The following GSK3A variants were observed in gnomAD, a reference collection of about 807,000 sequenced individuals.
GSK3A encodes glycogen synthase kinase-3 alpha.
GSK3A carries 14 observed loss-of-function variants against 56.6 expected under a neutral mutation model. The ratio of observed to expected loss-of-function variants is 0.25; its 90% confidence interval spans 0.16 to 0.39. GSK3A has a LOEUF of 0.39. Among genes scored for constraint, GSK3A ranks in the 10% least tolerant of loss-of-function variants. The pLI is 1.00. For synonymous variants in GSK3A, 301 were observed against 285.0 expected, an observed-to-expected ratio of 1.06 and a Z score of -0.56; for missense variants, 450 against 656.0, an observed-to-expected ratio of 0.69 and a Z score of 3.43.
intron 8 of GSK3A, 80 bp from the exon 9 acceptor site, chr19:42,232,762 C>T (rs2036232558): frequency 8.1e-7 from 1 of 1,234,806 alleles, no homozygotes; most frequent in African/African-American, 1.5e-5. Flanking sequence ...GCCACAGTGC[C>T]TGCGGCAAGT....
At position 42,234,829 on chromosome 19, in the gene GSK3A, T is replaced by A; in HGVS notation, c.667-151A>T. On this transcript the variant is annotated intron_variant, in intron 4 of 10. Coordinates refer to ENST00000222330, the MANE Select transcript of GSK3A (RefSeq NM_019884.3). This position sits in a 1 kb window ranked among gnomAD's most constrained non-coding sequence, Gnocchi z 5.7. ...AACCCATTTGAAACCTTGGTTCTCT[T>A]AATGTGCACCACAATCACTTGAAGG... 3 of 773,176 alleles carry A rather than the reference T, an allele frequency of 3.9e-6. No homozygotes were observed. Among genetic ancestry groups the A allele is most frequent in the Non-Finnish European group, 5.9e-6 (3 of 505,856 alleles). The allele number at this position is 773,176 out of a possible 1,614,324, so 47.9% of individuals were successfully genotyped here. A position where few individuals can be genotyped will look rare whatever the true frequency, so the allele number is the denominator to read the frequency against.
rs1443971081 is a variant in GSK3A at position 42,230,459 on chromosome 19, G to A, written c.*335C>T. 3 of 357,184 alleles carry A rather than the reference G, an allele frequency of 8.4e-6. No individual in the cohort carries two copies. Among genetic ancestry groups the A allele is most frequent in the African/African-American group, 6.2e-5 (3 of 48,514 alleles). The allele number at this position is 357,184 out of a possible 1,614,324, so 22.1% of individuals were successfully genotyped here. On this transcript the variant is annotated 3_prime_UTR_variant, in exon 11 of 11. Transcript: ENST00000222330. ...CAGGGAAGGGAAGAGGAGACGGGCT[G>A]GGCTGGTTCTATTTACAAGGGACAC...
chr19:42,234,777 T>G lies in GSK3A; in HGVS notation c.667-99A>C, dbSNP rs1340282891. The G allele has an allele frequency of 5.6e-6, 7 of 1,246,132 alleles. No homozygotes were observed. The highest frequency in any genetic ancestry group is 7.6e-6 in the Non-Finnish European group (7 of 924,436). The allele number at this position is 1,246,132 out of a possible 1,614,324, so 77.2% of individuals were successfully genotyped here. A position where few individuals can be genotyped will look rare whatever the true frequency, so the allele number is the denominator to read the frequency against. On this transcript the variant is annotated intron_variant, in intron 4 of 10. Coordinates refer to ENST00000222330, the MANE Select transcript of GSK3A (RefSeq NM_019884.3). The surrounding 1 kb of genome is among the most constrained non-coding windows in gnomAD (Gnocchi z 5.7). ...CTGAAGAGCCCTTCCAGGCCCACTC[T>G]CCCTGCTGCCCCCACAGCTTTGGGG... is the stretch of plus-strand genomic sequence containing the variant.
intron 3 of GSK3A, 62 bp from the exon 4 acceptor site, chr19:42,236,778 T>C: frequency 7.1e-7 from 1 of 1,406,112 alleles, no homozygotes; most frequent in Non-Finnish European, 1.0e-6. Context: ...GGAAGGAAGG[T>C]ATGCAGGGAG....
rs879265393 is a variant in GSK3A, at chr19:42,234,527, C to T, written c.797+21G>A. On this transcript the variant is annotated intron_variant, in intron 5 of 10. Transcript: ENST00000222330. This position sits in a 1 kb window ranked among gnomAD's most constrained non-coding sequence, Gnocchi z 5.7. ...GGGGTCCCCCCTGCCTCTTCAGCCA[C>T]CCAACATGCCCCAGGCCCACCTGCC... 6.2e-7 allele frequency: 1 copy of T among 1,612,420 alleles called. No individual in the cohort carries two copies.
chr19:42,237,858 G>A (rs963051839), intron 2 of GSK3A, among the ~76,000 whole-genome samples: 23 of 151,590 alleles, frequency 1.5e-4, no homozygotes, highest in Admixed American at 3.3e-4. Context: ...CAGCCTGGGC[G>A]ACAGACTCTG....
At position 42,230,426 on chromosome 19, in the gene GSK3A, C is replaced by T; in HGVS notation, c.*368G>A. On this transcript the variant is annotated 3_prime_UTR_variant, in exon 11 of 11. Coordinates refer to ENST00000222330, the MANE Select transcript of GSK3A (RefSeq NM_019884.3). ...AAAAATTATAACAATCTATTTACACCCGGGGGCCAGGGAAGGGAAGAGGAG... is the reference window on the plus strand; with the variant it reads ...AAAAATTATAACAATCTATTTACACTCGGGGGCCAGGGAAGGGAAGAGGAG... The T allele has an allele frequency of 3.6e-6, 1 of 276,860 alleles. No homozygotes were observed. 17.2% of individuals were successfully genotyped at this position (276,860 alleles called of 1,614,324 possible).
rs778151740 is a variant in GSK3A, at chr19:42,234,682, C to T, written c.667-4G>A. Reference sequence around the variant, plus strand: ...GGAAGAGCTGGTACATGTACACCTGCGGCGGGCACAGGATAGCAGAACTTT... The same window carrying T: ...GGAAGAGCTGGTACATGTACACCTGTGGCGGGCACAGGATAGCAGAACTTT... On this transcript the variant is annotated splice_polypyrimidine_tract_variant and splice_region_variant and intron_variant, in intron 4 of 10. Transcript: ENST00000222330. The surrounding 1 kb of genome is among the most constrained non-coding windows in gnomAD (Gnocchi z 5.7). 2.0e-5 allele frequency: 32 copies of T among 1,582,472 alleles called. No individual in the cohort carries two copies. The East Asian group carries it at 2.8e-4, about 14-fold the overall frequency.
rs1473563564 is a variant in GSK3A, at chr19:42,242,545, G to T, written c.-80C>A. ...CGCCGCCGCTGCCGCCGCCTCCCCC[G>T]GGCCCTGGCCTCTTCCAGGCCGCGC... On this transcript the variant is annotated 5_prime_UTR_variant, in exon 1 of 11. Coordinates refer to ENST00000222330, the MANE Select transcript of GSK3A (RefSeq NM_019884.3). The T allele has an allele frequency of 5.2e-5, 50 of 958,224 alleles. No individual in the cohort carries two copies. The highest frequency in any genetic ancestry group is 6.3e-5 in the Non-Finnish European group (50 of 798,114). The allele number at this position is 958,224 out of a possible 1,614,324, so 59.4% of individuals were successfully genotyped here. A position where few individuals can be genotyped will look rare whatever the true frequency, so the allele number is the denominator to read the frequency against.
At position 42,234,752 on chromosome 19, in the gene GSK3A, C is replaced by T. The variant is rs1293510211; in HGVS notation, c.667-74G>A. On this transcript the variant is annotated intron_variant, in intron 4 of 10. Transcript: ENST00000222330. This position sits in a 1 kb window ranked among gnomAD's most constrained non-coding sequence, Gnocchi z 5.7. ...AGCACCACTACCCCACCAGCTTGGC[C>T]TGAAGAGCCCTTCCAGGCCCACTCT... 1.8e-5 allele frequency: 26 copies of T among 1,427,732 alleles called. No individual in the cohort carries two copies. The highest frequency in any genetic ancestry group is 1.4e-5 in the South Asian group (1 of 69,262). The allele number at this position is 1,427,732 out of a possible 1,614,324, so 88.4% of individuals were successfully genotyped here.
Position 42,238,868 on chromosome 19 carries a change from T to C in GSK3A, c.471+1087A>G, listed in dbSNP as rs186331560. 4.0e-5 allele frequency among the ~76,000 whole-genome samples: 6 copies of C among 151,016 alleles called. No homozygotes were observed. In the East Asian group the frequency reaches 5.9e-4, roughly 15 times the overall value. On this transcript the variant is annotated intron_variant, in intron 2 of 10. Transcript: ENST00000222330. ...CCTGCAATCCCAGCTACTCAGGTGG[T>C]TGAGGCACAAGAATCGCTTGAACCT...
rs1156505226 is a variant in GSK3A, at chr19:42,242,350, G to A, written c.116C>T (p.Ser39Leu). The A allele has an allele frequency of 6.3e-6, 9 of 1,417,744 alleles. No homozygotes were observed. The highest frequency in any genetic ancestry group is 1.5e-5 in the African/African-American group (1 of 66,450). The allele number at this position is 1,417,744 out of a possible 1,614,324, so 87.8% of individuals were successfully genotyped here. A position where few individuals can be genotyped will look rare whatever the true frequency, so the allele number is the denominator to read the frequency against. ...GGGGGGGPGGSASGPGGTGGG... is the reference protein window; with the variant it reads ...GGGGGGGPGGLASGPGGTGGG... ...GCCGGTGCCGCCTGGGCCGGAGGCC[G>A]AGCCTCCGGGGCCGCCGCCGCCTCC... is the stretch of plus-strand genomic sequence containing the variant. Residue 39 changes from serine (S) to leucine (L), a missense_variant, in exon 1 of 11, where the codon TCG becomes TTG. By Grantham distance (145) the Ser-to-Leu change is moderately radical (BLOSUM62 -2). Coordinates refer to ENST00000222330, the MANE Select transcript of GSK3A (RefSeq NM_019884.3).
chr19:42,242,350 G>C lies in GSK3A; in HGVS notation c.116C>G (p.Ser39Trp). ...GGGGGGGPGG[S>W]ASGPGGTGGG... ...GCCGGTGCCGCCTGGGCCGGAGGCC[G>C]AGCCTCCGGGGCCGCCGCCGCCTCC... Residue 39 changes from serine to tryptophan, a missense_variant, in exon 1 of 11, where the codon TCG becomes TGG. Physicochemically the swap from Ser to Trp is radical, Grantham distance 177. Transcript: ENST00000222330. The C allele has an allele frequency of 7.1e-7, 1 of 1,417,852 alleles. No homozygotes were observed. Among genetic ancestry groups the C allele is most frequent in the Non-Finnish European group, 9.2e-7 (1 of 1,089,742 alleles). The allele number at this position is 1,417,852 out of a possible 1,614,324, so 87.8% of individuals were successfully genotyped here.
intron 1 of GSK3A, chr19:42,241,663 T>C (rs2036292922): frequency 6.6e-6 from 1 of 152,276 alleles, no homozygotes; most frequent in Admixed American, 6.5e-5. Context: ...ATGATCTGAG[T>C]ACCAGGTTTG....
intron 1 of GSK3A, 52 bp downstream of exon 1, chr19:42,242,130 AG>A: frequency 7.8e-7 from 1 of 1,282,244 alleles, no homozygotes; most frequent in African/African-American, 1.5e-5. Flanking sequence ...TGGATGTCTG[AG>A]GAGCTTTGGG....
Position 42,234,273 on chromosome 19 carries a change from C to CAAGCTTGGTGATGA in GSK3A, c.904+79_904+80insTCATCACCAAGCTT. 1.0e-6 allele frequency: 1 copy of CAAGCTTGGTGATGA among 973,568 alleles called. No individual in the cohort carries two copies. The highest frequency in any genetic ancestry group is 1.7e-6 in the Non-Finnish European group (1 of 598,836). 60.3% of individuals were successfully genotyped at this position (973,568 alleles called of 1,614,324 possible). Reference sequence around the variant, plus strand: ...AGAACAGAAGTTAAGCTTTCATCACCAAGCTTGGCATACAGCACACAGAAA... The same window carrying CAAGCTTGGTGATGA: ...AGAACAGAAGTTAAGCTTTCATCACCAAGCTTGGTGATGAAAGCTTGGCATACAGCACACAGAAA... On this transcript the variant is annotated intron_variant, in intron 6 of 10. Transcript: ENST00000222330. The surrounding 1 kb of genome is among the most constrained non-coding windows in gnomAD (Gnocchi z 5.7).
At chr19:42,241,952 T>A (rs1391565301) in intron 1 of GSK3A, 7 of 394,714 alleles carry the variant, frequency 1.8e-5, no homozygotes, top group Non-Finnish European at 3.1e-5. Flanking sequence ...GAACAGAGAC[T>A]TGTAACCCGT....
Position 42,233,221 on chromosome 19 carries a change from G to A in GSK3A, c.1003-16C>T, listed in dbSNP as rs768110568. ...TTCCCAGCACCTGTAAAGAGAGGGAGGGGTCTGAGACAAGGGCCCCATCCC... is the reference window on the plus strand; with the variant it reads ...TTCCCAGCACCTGTAAAGAGAGGGAAGGGTCTGAGACAAGGGCCCCATCCC... On this transcript the variant is annotated splice_polypyrimidine_tract_variant and intron_variant, in intron 7 of 10. Coordinates refer to ENST00000222330, the MANE Select transcript of GSK3A (RefSeq NM_019884.3). The A allele has an allele frequency of 1.9e-6, 3 of 1,598,694 alleles. No homozygotes were observed. Among genetic ancestry groups the A allele is most frequent in the East Asian group, 2.2e-5 (1 of 44,692 alleles).
chr19:42,230,914 C>A, intron 10 of GSK3A, 47 bp from the exon 11 acceptor site: 1 of 1,271,414 alleles, frequency 7.9e-7, no homozygotes, highest in Non-Finnish European at 1.1e-6. Context: ...GCCTTTCAGA[C>A]ACCCCTTCGC....
Sources: allele counts gnomAD v4.1 joint callset (sites outside exome capture counted in the v4.1 genomes callset), GRCh38; gene constraint gnomAD v4.1.1; non-coding constraint Gnocchi (gnomAD v3.1); transcripts MANE v1.5; gene names NCBI Gene and HGNC (gene_info 2026-07-23, HGNC 2026-07-21).